The following PRMT8 variants were observed in gnomAD, a reference collection of about 807,000 sequenced individuals.
PRMT8 encodes protein arginine N-methyltransferase 8.
In PRMT8, 7 loss-of-function variants were observed where a neutral mutation model predicts 47.1. The observed-to-expected ratio is 0.15, with a 90% CI of 0.08 to 0.28. The LOEUF (loss-of-function observed/expected upper bound fraction) is 0.28. Among genes scored for constraint, PRMT8 ranks in the 10% least tolerant of loss-of-function variants. The pLI is 1.00. For missense variants in PRMT8, 237 were observed against 505.4 expected, an observed-to-expected ratio of 0.47 and a Z score of 5.09; for synonymous variants, 188 against 186.5, an observed-to-expected ratio of 1.01 and a Z score of -0.07.
intron 7 of PRMT8, among the ~76,000 whole-genome samples, chr12:3,577,667 T>G (rs1413774877): frequency 7.8e-6 from 1 of 127,510 alleles, no homozygotes; most frequent in Non-Finnish European, 1.7e-5. Flanking sequence ...ATTAAGAGAC[T>G]TTTTTGTGGG....
chr12:3,443,427 A>C (rs1250329782), intron 1 of PRMT8, among the ~76,000 whole-genome samples: 1 of 152,108 alleles, frequency 6.6e-6, no homozygotes, highest in African/African-American at 2.4e-5. Flanking sequence ...AAAACCTTAG[A>C]GGTTCATCCT....
In PRMT8 at chr12:3,508,172, C is replaced by A. The variant is rs749386196; in HGVS notation, c.75+16472C>A. On this transcript the variant is annotated intron_variant, in intron 1 of 9. Transcript: ENST00000382622. The surrounding 1 kb of genome is among the most constrained non-coding windows in gnomAD (Gnocchi z 4.9). ...TTTTTTCTGCCCAGTTGTTGTTTCA[C>A]TTTTAGGAGAAAATTTATAGTTCAT... Among the ~76,000 whole-genome samples, 5 of 152,080 alleles carry A rather than the reference C, an allele frequency of 3.3e-5. No individual in the cohort carries two copies. The highest frequency in any genetic ancestry group is 5.9e-5 in the Non-Finnish European group (4 of 68,030).
At chr12:3,467,167 G>A (rs978949946) in intron 1 of PRMT8, among the ~76,000 whole-genome samples, 1 of 147,604 alleles carries the variant, frequency 6.8e-6, no homozygotes, top group Non-Finnish European at 1.5e-5. Context: ...ATGAACCTGG[G>A]AGGCGGAGCT....
At chr12:3,389,586 C>T (rs1864172524) in intron 1 of PRMT8, among the ~76,000 whole-genome samples, 1 of 152,330 alleles carries the variant, frequency 6.6e-6, no homozygotes, top group South Asian at 2.1e-4. Flanking sequence ...CAGTGTCAGC[C>T]TTGAAGGAGG....
chr12:3,382,245 G>T (rs1864099645), intron 1 of PRMT8, among the ~76,000 whole-genome samples: 1 of 152,108 alleles, frequency 6.6e-6, no homozygotes, highest in Admixed American at 6.5e-5. Flanking sequence ...TGGAATAAAT[G>T]CCCAGGAGTG....
chr12:3,578,851 C>G (rs1302641028), intron 7 of PRMT8, among the ~76,000 whole-genome samples: 2 of 152,134 alleles, frequency 1.3e-5, no homozygotes, highest in African/African-American at 4.8e-5. Flanking sequence ...GGCAAATAAA[C>G]CTAGAATGAA....
intron 1 of PRMT8, among the ~76,000 whole-genome samples, chr12:3,509,272 G>T (rs1865675097): frequency 6.6e-6 from 1 of 151,940 alleles, no homozygotes; most frequent in African/African-American, 2.4e-5. Flanking sequence ...CCTTCCCTCT[G>T]CTCCAGCCAC....
intron 1 of PRMT8, among the ~76,000 whole-genome samples, chr12:3,531,614 C>A (rs1866031936): frequency 1.3e-5 from 2 of 152,208 alleles, no homozygotes; most frequent in Admixed American, 6.5e-5. Context: ...GTTGTTGTAC[C>A]ACCAAGAGAC....
intron 9 of PRMT8, 91 bp downstream of exon 9, chr12:3,592,443 C>G: frequency 1.4e-6 from 2 of 1,402,570 alleles, no homozygotes; most frequent in African/African-American, 3.0e-5. Context: ...TTAAGTGTCT[C>G]ATGAACAGTC....
intron 1 of PRMT8, among the ~76,000 whole-genome samples, chr12:3,442,404 G>A (rs1262437195): frequency 6.6e-6 from 1 of 152,154 alleles, no homozygotes; most frequent in African/African-American, 2.4e-5. Context: ...CTCTGTGTAG[G>A]GAGGCAGAGA....
At chr12:3,511,617 A>G (rs1191923731) in intron 1 of PRMT8, among the ~76,000 whole-genome samples, 1 of 152,104 alleles carries the variant, frequency 6.6e-6, no homozygotes, top group Non-Finnish European at 1.5e-5. Flanking sequence ...CTTTTCCAAC[A>G]GGAGAGACTG....
intron 1 of PRMT8, among the ~76,000 whole-genome samples, chr12:3,518,781 C>T (rs1457838783): frequency 2.0e-5 from 3 of 152,178 alleles, no homozygotes; most frequent in South Asian, 2.1e-4. Flanking sequence ...AAAGAGGAGA[C>T]TCCCTCTGTG....
chr12:3,525,717 T>C (rs1375070572), intron 1 of PRMT8, among the ~76,000 whole-genome samples: 1 of 152,148 alleles, frequency 6.6e-6, no homozygotes. Flanking sequence ...ATAGAAATGA[T>C]AGAAAGGGAA....
intron 4 of PRMT8, among the ~76,000 whole-genome samples, chr12:3,563,280 A>G (rs1315694355): frequency 6.6e-6 from 1 of 151,966 alleles, no homozygotes; most frequent in East Asian, 1.9e-4. Flanking sequence ...AGCCCTCAAG[A>G]GAGCCAGAGC....
At chr12:3,382,549 T>C (rs922563912) in intron 1 of PRMT8, among the ~76,000 whole-genome samples, 5 of 152,226 alleles carry the variant, frequency 3.3e-5, no homozygotes, top group African/African-American at 7.2e-5. Flanking sequence ...TTGGTTCATA[T>C]CTTTTGCCCG....
At chr12:3,449,076 T>C (rs1229398344) in intron 1 of PRMT8, among the ~76,000 whole-genome samples, 1 of 152,252 alleles carries the variant, frequency 6.6e-6, no homozygotes, top group Non-Finnish European at 1.5e-5. Context: ...CTCATTCCTT[T>C]TTATGGCTGC....
chr12:3,444,803 G>A (rs1358770286), intron 1 of PRMT8, among the ~76,000 whole-genome samples: 1 of 152,254 alleles, frequency 6.6e-6, no homozygotes, highest in Non-Finnish European at 1.5e-5. Context: ...CGAATATGGA[G>A]GGCCAAGCTG....
Position 3,552,956 on chromosome 12 carries a change from G to A in PRMT8, c.418-695G>A, listed in dbSNP as rs78298532. 1,393 of 337,368 alleles carry A rather than the reference G, an allele frequency of 4.1e-3. 23 individuals carry two copies. In the East Asian group the frequency reaches 0.051, roughly 12 times the overall value. 20.9% of individuals were successfully genotyped at this position (337,368 alleles called of 1,614,324 possible). ...GAACCCCTGGCAGTGTGCCTGAGAC[G>A]CTAACCCTGGGCTGGAGCTTGGCTT... is the stretch of plus-strand genomic sequence containing the variant. On this transcript the variant is annotated intron_variant, in intron 3 of 9. Transcript: ENST00000382622. The surrounding 1 kb of genome is among the most constrained non-coding windows in gnomAD (Gnocchi z 4.5).
intron 2 of PRMT8, among the ~76,000 whole-genome samples, chr12:3,544,356 A>G (rs1866288350): frequency 6.6e-6 from 1 of 152,238 alleles, no homozygotes; most frequent in Non-Finnish European, 1.5e-5. Flanking sequence ...GACCTCCAGG[A>G]AAGGAGACTT....
Sources: allele counts gnomAD v4.1 joint callset (sites outside exome capture counted in the v4.1 genomes callset), GRCh38; gene constraint gnomAD v4.1.1; non-coding constraint Gnocchi (gnomAD v3.1); transcripts MANE v1.5; gene names NCBI Gene and HGNC (gene_info 2026-07-23, HGNC 2026-07-21).